Variants in CENPW observed in about 807,000 individuals in gnomAD.
CENPW encodes the protein centromere protein W, also known as cancer-up-regulated gene 2 protein.
A neutral mutation model predicts 11.1 loss-of-function variants in CENPW; 3 were observed. The observed-to-expected ratio is 0.27, with a 90% CI of 0.12 to 0.70. The LOEUF (loss-of-function observed/expected upper bound fraction) is 0.70, where lower values mean the gene tolerates loss of function less well. Ranked by LOEUF, CENPW falls within the 30% of genes least tolerant of loss-of-function variation. The probability of loss-of-function intolerance (pLI) is 0.77; values close to 1 mark genes in which losing one functional copy is unlikely to be tolerated. For missense variants in CENPW, 100 were observed against 105.6 expected, an observed-to-expected ratio of 0.95 and a Z score of 0.23; for synonymous variants, 38 against 42.0, an observed-to-expected ratio of 0.91 and a Z score of 0.37.
the CENPW span, among the ~76,000 whole-genome samples, chr6:126,454,647 G>A: frequency 1.8e-4 from 27 of 150,772 alleles, no homozygotes; most frequent in Admixed American, 1.1e-3. Context: ...ATAACCTAAC[G>A]TTACACCTAC....
At chr6:126,409,219 A>G in the CENPW span, among the ~76,000 whole-genome samples, 4 of 152,254 alleles carry the variant, frequency 2.6e-5, no homozygotes, top group Non-Finnish European at 4.4e-5. Context: ...TTTAATTTCC[A>G]TATATTTGTA....
chr6:126,464,391 A>G, the CENPW span, among the ~76,000 whole-genome samples: 1 of 152,020 alleles, frequency 6.6e-6, no homozygotes, highest in African/African-American at 2.4e-5. Flanking sequence ...GATGCAAAGT[A>G]TTGTTTCTGG....
At chr6:126,384,203 T>C in the CENPW span, among the ~76,000 whole-genome samples, 1 of 152,086 alleles carries the variant, frequency 6.6e-6, no homozygotes, top group African/African-American at 2.4e-5. Context: ...TTGAAACTAA[T>C]GAGAGCAAAG....
chr6:126,464,140 C>G, the CENPW span, among the ~76,000 whole-genome samples: 3 of 152,172 alleles, frequency 2.0e-5, no homozygotes, highest in East Asian at 5.8e-4. Flanking sequence ...GTGATTTACC[C>G]TAGAAACATA....
the CENPW span, among the ~76,000 whole-genome samples, chr6:126,453,057 G>T: frequency 6.6e-6 from 1 of 151,058 alleles, no homozygotes; most frequent in Non-Finnish European, 1.5e-5. Flanking sequence ...CTTCAGATAT[G>T]AAATTACAGT....
the CENPW span, among the ~76,000 whole-genome samples, chr6:126,430,596 G>C: frequency 6.6e-6 from 1 of 152,146 alleles, no homozygotes; most frequent in Non-Finnish European, 1.5e-5. Context: ...GCTTTGGGAA[G>C]AGTCTGAACT....
At chr6:126,466,173 A>C in the CENPW span, among the ~76,000 whole-genome samples, 2 of 152,192 alleles carry the variant, frequency 1.3e-5, no homozygotes, top group Non-Finnish European at 2.9e-5. Flanking sequence ...CGTAAATAAA[A>C]AGAAAATAAT....
chr6:126,391,474 AT>A, the CENPW span, among the ~76,000 whole-genome samples: 1 of 151,798 alleles, frequency 6.6e-6, no homozygotes, highest in Non-Finnish European at 1.5e-5. Context: ...TTTTTAACTC[AT>A]TGTGATCACA....
the CENPW span, among the ~76,000 whole-genome samples, chr6:126,394,430 A>C: frequency 1.3e-5 from 2 of 151,994 alleles, no homozygotes; most frequent in Non-Finnish European, 2.9e-5. Context: ...AGAAACCAAA[A>C]ATATAACTTT....
the CENPW span, among the ~76,000 whole-genome samples, chr6:126,408,213 A>G: frequency 5.3e-3 from 814 of 152,242 alleles, 8 homozygotes; most frequent in African/African-American, 0.018. Flanking sequence ...CCCTGTATTA[A>G]TCTGTTCTCA....
the CENPW span, among the ~76,000 whole-genome samples, chr6:126,469,349 T>G: frequency 6.6e-6 from 1 of 152,070 alleles, no homozygotes; most frequent in African/African-American, 2.4e-5. Context: ...GGCACCTGCT[T>G]CCCCTCCATC....
At chr6:126,355,421 G>T in the CENPW span, among the ~76,000 whole-genome samples, 1 of 151,992 alleles carries the variant, frequency 6.6e-6, no homozygotes, top group Non-Finnish European at 1.5e-5. Context: ...CTTATTTTAA[G>T]GCAATAACTC....
At chr6:126,383,314 A>G in the CENPW span, among the ~76,000 whole-genome samples, 16 of 152,306 alleles carry the variant, frequency 1.1e-4, no homozygotes, top group Middle Eastern at 3.4e-3. Context: ...CAGCCACTAC[A>G]AAAACACACT....
At chr6:126,368,375 A>T in the CENPW span, among the ~76,000 whole-genome samples, 5 of 152,138 alleles carry the variant, frequency 3.3e-5, no homozygotes, top group African/African-American at 1.2e-4. Context: ...TAATTAAGGG[A>T]AGGAGAAGCA....
At chr6:126,411,001 A>G in the CENPW span, among the ~76,000 whole-genome samples, 38 of 151,812 alleles carry the variant, frequency 2.5e-4, no homozygotes, top group Non-Finnish European at 2.9e-5. Flanking sequence ...TTTCATTAGG[A>G]CCTTTTAGTA....
chr6:126,420,825 G>T, the CENPW span, among the ~76,000 whole-genome samples: 1 of 152,064 alleles, frequency 6.6e-6, no homozygotes, highest in Non-Finnish European at 1.5e-5. Context: ...ACATCACCAT[G>T]GTTGAAGGCC....
chr6:126,444,981 C>T, the CENPW span, among the ~76,000 whole-genome samples: 3 of 151,040 alleles, frequency 2.0e-5, no homozygotes, highest in Non-Finnish European at 4.5e-5. Context: ...CAAGGCATTT[C>T]TTCTTAGGTT....
chr6:126,387,953 T>C, the CENPW span, among the ~76,000 whole-genome samples: 1 of 151,954 alleles, frequency 6.6e-6, no homozygotes, highest in Non-Finnish European at 1.5e-5. Context: ...GAATTGAGTG[T>C]AAATAATATT....
the CENPW span, among the ~76,000 whole-genome samples, chr6:126,358,106 G>C: frequency 6.6e-6 from 1 of 152,156 alleles, no homozygotes; most frequent in African/African-American, 2.4e-5. Context: ...ACTTATAGGA[G>C]CCTTTTGGTG....
Sources: gnomAD v4.1 joint callset for allele counts (sites outside exome capture counted in the v4.1 genomes callset) on GRCh38, gnomAD v4.1.1 for gene constraint, MANE v1.5 for transcripts, NCBI Gene and HGNC (gene_info 2026-07-23, HGNC 2026-07-21) for gene names.